The following MATK variants were observed in gnomAD, a reference collection of about 807,000 sequenced individuals.
MATK encodes megakaryocyte-associated tyrosine-protein kinase.
In MATK, 41 loss-of-function variants were observed where a neutral mutation model predicts 59.8. That is an observed-to-expected ratio of 0.69 (90% CI 0.53 to 0.89). The LOEUF (loss-of-function observed/expected upper bound fraction) is 0.89, where lower values mean the gene tolerates loss of function less well. Ranked by LOEUF, MATK falls within the 40% of genes least tolerant of loss-of-function variation. The pLI is 0.00. For synonymous variants in MATK, 308 were observed against 306.1 expected (o/e 1.01, Z -0.06); for missense variants, 593 against 719.6 (o/e 0.82, Z 2.01).
chr19:3,801,016 C>T (rs1199050030), intron 1 of MATK, among the ~76,000 whole-genome samples: 5 of 152,112 alleles, frequency 3.3e-5, no homozygotes, highest in African/African-American at 1.2e-4. Flanking sequence ...CCCACCACCA[C>T]GCCCGGCTGA....
intron 1 of MATK, chr19:3,785,494 C>T (rs2037469705): frequency 3.1e-6 from 1 of 327,140 alleles, no homozygotes; most frequent in African/African-American, 2.1e-5. Context: ...GGGGGAGCCT[C>T]CCTGCCTCCC....
intron 3 of MATK, 101 bp downstream of exon 3, chr19:3,784,724 G>T: frequency 3.7e-6 from 3 of 812,754 alleles, no homozygotes; most frequent in South Asian, 1.4e-5. Context: ...GCAGAAGGGG[G>T]TAGGGGGCAG....
chr19:3,779,924 C>A, intron 8 of MATK, 127 bp from the exon 9 acceptor site: 1 of 677,294 alleles, frequency 1.5e-6, no homozygotes. Context: ...GTCCCCAGAC[C>A]TTGAAACACA....
intron 1 of MATK, among the ~76,000 whole-genome samples, chr19:3,792,366 G>A (rs4807511): frequency 0.32 from 48,685 of 152,032 alleles, 9,722 homozygotes; most frequent in Non-Finnish European, 0.44. Flanking sequence ...GGTTGGGATT[G>A]GCTGGCTGGG....
In MATK at chr19:3,785,126, G is replaced by A. The variant is rs368540633; in HGVS notation, c.10C>T (p.Arg4Ter). MAG[R>*]GSLVSWRAFH... is the part of the protein sequence containing the mutation. The stretch of plus-strand genomic sequence containing the variant: ...GCCCGCCAGGAAACCAGAGAGCCTC[G>A]CCCCGCCATCGCCCCCAGAGGGAAA... Residue 4 changes from arginine (R) to a stop codon, truncating the protein, a stop_gained, in exon 2 of 14, where the codon CGA (arginine) becomes TGA (stop). Coordinates refer to ENST00000310132, the MANE Select transcript of MATK (RefSeq NM_139355.3). LOFTEE classifies it high-confidence loss of function. 13 of 1,613,900 alleles carry A rather than the reference G, an allele frequency of 8.1e-6. No homozygotes were observed. Among genetic ancestry groups the A allele is most frequent in the African/African-American group, 6.7e-5 (5 of 74,916 alleles).
Position 3,779,799 on chromosome 19 carries a change from T to TG in MATK, c.743-3dup. 1 of 1,544,158 alleles carries TG rather than the reference T, an allele frequency of 6.5e-7. No homozygotes were observed. Among genetic ancestry groups the TG allele is most frequent in the Non-Finnish European group, 8.9e-7 (1 of 1,119,616 alleles). On this transcript the variant is annotated splice_polypyrimidine_tract_variant and splice_region_variant and intron_variant, in intron 8 of 13. Coordinates refer to ENST00000310132, the MANE Select transcript of MATK (RefSeq NM_139355.3). ...CCAGGTACTCACCCTGCAGGACAGC[T>TG]GGGGGGTGGGGGTGGGGAACGGGGT...
At chr19:3,779,265 G>T in intron 11 of MATK, 78 bp from the exon 12 acceptor site, 1 of 1,548,674 alleles carries the variant, frequency 6.5e-7, no homozygotes, top group Non-Finnish European at 8.8e-7. Flanking sequence ...GGGGTGCCTG[G>T]GGCCACAAGC....
chr19:3,780,940 G>C (rs2037392936), intron 8 of MATK, among the ~76,000 whole-genome samples: 1 of 149,624 alleles, frequency 6.7e-6, no homozygotes, highest in African/African-American at 2.5e-5. Context: ...CGTTGTCCAG[G>C]CTGCACCTGA....
At chr19:3,800,547 G>A (rs2037633927) in intron 1 of MATK, among the ~76,000 whole-genome samples, 1 of 152,040 alleles carries the variant, frequency 6.6e-6, no homozygotes, top group Non-Finnish European at 1.5e-5. Context: ...TCAGGAGGCT[G>A]AGGCAGGAGA....
intron 1 of MATK, among the ~76,000 whole-genome samples, chr19:3,796,248 T>C (rs1258004693): frequency 6.6e-6 from 1 of 152,218 alleles, no homozygotes; most frequent in South Asian, 2.1e-4. Context: ...TACTGTGTGC[T>C]GAAGACAAAG....
intron 1 of MATK, among the ~76,000 whole-genome samples, chr19:3,797,487 T>A (rs78524167): frequency 0.012 from 1,827 of 151,668 alleles, 37 homozygotes; most frequent in African/African-American, 0.041. Flanking sequence ...AGTCTCACTA[T>A]GTTTCCCAGG....
Position 3,784,442 on chromosome 19 carries a change from C to T in MATK, c.142G>A (p.Ala48Thr). 1 of 1,594,676 alleles carries T rather than the reference C, an allele frequency of 6.3e-7. No homozygotes were observed. The highest frequency in any genetic ancestry group is 8.5e-7 in the Non-Finnish European group (1 of 1,174,064). ...TTGGTGATACACTGGGTGCCCGGGG[C>T]CCAGCGCCTCTGCAGAGGGGGCCGG... Reference protein sequence around the residue: ...VSARMPTRRWAPGTQCITKCE... With the variant: ...VSARMPTRRWTPGTQCITKCE... Residue 48 changes from alanine to threonine, a missense_variant, in exon 4 of 14, where the codon GCC (alanine) becomes ACC (threonine). Ala to Thr is a moderately conservative substitution (Grantham distance 58, BLOSUM62 0). Coordinates refer to ENST00000310132, the MANE Select transcript of MATK (RefSeq NM_139355.3).
chr19:3,790,865 C>G (rs533651195), upstream of MATK, among the ~76,000 whole-genome samples: 2 of 152,208 alleles, frequency 1.3e-5, no homozygotes, highest in South Asian at 4.2e-4. Context: ...TCTTGTCTCA[C>G]TGTGTGATAG....
chr19:3,779,816 G>C lies in MATK; in HGVS notation c.743-19C>G. The C allele has an allele frequency of 6.9e-7, 1 of 1,449,030 alleles. No homozygotes were observed. Among genetic ancestry groups the C allele is most frequent in the Non-Finnish European group, 9.7e-7 (1 of 1,030,856 alleles). 89.8% of individuals were successfully genotyped at this position (1,449,030 alleles called of 1,614,324 possible). On this transcript the variant is annotated intron_variant, in intron 8 of 13. Coordinates refer to ENST00000310132, the MANE Select transcript of MATK (RefSeq NM_139355.3). ...AGGACAGCTGGGGGGTGGGGGTGGGGAACGGGGTGAGATCAGGACCCCCAA... is the reference window on the plus strand; with the variant it reads ...AGGACAGCTGGGGGGTGGGGGTGGGCAACGGGGTGAGATCAGGACCCCCAA...
chr19:3,793,649 C>T (rs928015560), intron 1 of MATK, among the ~76,000 whole-genome samples: 32 of 150,892 alleles, frequency 2.1e-4, no homozygotes, highest in African/African-American at 6.3e-4. Context: ...TTGCACTGAG[C>T]GGAGATCACG....
Position 3,785,024 on chromosome 19 carries a change from G to C in MATK, c.72+40C>G, listed in dbSNP as rs201890267. The C allele has an allele frequency of 3.5e-4, 561 of 1,600,294 alleles. 1 individual carries two copies. Among genetic ancestry groups the C allele is most frequent in the Non-Finnish European group, 4.6e-4 (542 of 1,167,628 alleles). ...CCAGAGGCATCCTGGATGGGACCCA[G>C]AACTGGCTCCCCAAGCCCCTGTGGG... On this transcript the variant is annotated intron_variant, in intron 2 of 13. Transcript: ENST00000310132.
chr19:3,797,829 G>A (rs2037609922), intron 1 of MATK, among the ~76,000 whole-genome samples: 1 of 152,050 alleles, frequency 6.6e-6, no homozygotes, highest in South Asian at 2.1e-4. Context: ...GTCACCAGAG[G>A]TCAGGAGTTC....
upstream of MATK, among the ~76,000 whole-genome samples, chr19:3,790,580 C>T (rs79100918): frequency 5.2e-3 from 797 of 152,304 alleles, 8 homozygotes; most frequent in African/African-American, 0.018. Context: ...TCATGTTTGG[C>T]CTCCAGCTGA....
chr19:3,779,410 G>T lies in MATK; in HGVS notation c.969C>A (p.Leu323=), dbSNP rs758438174. The T allele has an allele frequency of 2.5e-6, 4 of 1,613,290 alleles. No individual in the cohort carries two copies. Among genetic ancestry groups the T allele is most frequent in the Non-Finnish European group, 3.4e-6 (4 of 1,179,994 alleles). The change falls in exon 11 of 14, where the codon CTC becomes CTA. Residue 323 remains leucine, a synonymous_variant. Coordinates refer to ENST00000310132, the MANE Select transcript of MATK (RefSeq NM_139355.3). ...ACTGCAGGAGCTGAGCGGTGTTCAC[G>T]AGGGCTCGACCCCGGGTCCGCAGAA... ...VNFLRTRGRA[L]VNTAQLLQFS...
Sources: gnomAD v4.1 joint callset for allele counts (sites outside exome capture counted in the v4.1 genomes callset) on GRCh38, gnomAD v4.1.1 for gene constraint, MANE v1.5 for transcripts, NCBI Gene and HGNC (gene_info 2026-07-23, HGNC 2026-07-21) for gene names.